Variants in RNF212B observed in about 807,000 individuals in gnomAD.
The protein encoded by RNF212B is ring finger protein 212B.
Under a neutral mutation model 55.5 loss-of-function variants are expected in RNF212B, and 52 were observed. That is an observed-to-expected ratio of 0.94 (90% CI 0.75 to 1.18). The LOEUF (loss-of-function observed/expected upper bound fraction) is 1.18, where lower values mean the gene tolerates loss of function less well. RNF212B is among the 50% of genes most tolerant of loss of function. The pLI, the probability that RNF212B is intolerant of heterozygous loss-of-function variation, is 0.00. For synonymous variants in RNF212B, 99 were observed against 121.4 expected, an observed-to-expected ratio of 0.82 and a Z score of 1.21; for missense variants, 289 against 350.4, an observed-to-expected ratio of 0.82 and a Z score of 1.40.
chr14:23,189,438 A>G (rs1877903688), intron 1 of RNF212B, among the ~76,000 whole-genome samples: 1 of 151,990 alleles, frequency 6.6e-6, no homozygotes, highest in Admixed American at 6.6e-5. Flanking sequence ...CTTCTCTCCT[A>G]CATCATCAGT....
intron 2 of RNF212B, among the ~76,000 whole-genome samples, chr14:23,221,396 A>G (rs1262684853): frequency 1.3e-5 from 2 of 152,250 alleles, no homozygotes; most frequent in African/African-American, 4.8e-5. Flanking sequence ...AAGAAGAGAC[A>G]AAGTCATTCT....
intron 12 of RNF212B, among the ~76,000 whole-genome samples, 192 bp downstream of exon 12, chr14:23,269,155 T>C (rs1481037654): frequency 6.6e-6 from 1 of 152,066 alleles, no homozygotes; most frequent in Non-Finnish European, 1.5e-5. Flanking sequence ...AAATAAAAAA[T>C]TAGCCGGGAG....
intron 2 of RNF212B, among the ~76,000 whole-genome samples, chr14:23,221,117 T>C (rs999289157): frequency 6.6e-6 from 1 of 151,794 alleles, no homozygotes; most frequent in Non-Finnish European, 1.5e-5. Flanking sequence ...CCAGGCGCAG[T>C]GGCTCACGCC....
rs554025557 is a variant in RNF212B at position 23,269,535 on chromosome 14, C to G, written c.675-328C>G. Among the ~76,000 whole-genome samples, 43 of 152,066 alleles carry G rather than the reference C, an allele frequency of 2.8e-4. 1 individual carries two copies. The South Asian group carries it at 7.3e-3, about 26-fold the overall frequency. ...TTGCTTAAGCCCAGGTGTTGGAGAC[C>G]AGGCTGAGCAACAAAGTGAGACCTA... On this transcript the variant is annotated intron_variant, in intron 12 of 14. Transcript: ENST00000430154.
chr14:23,225,410 G>C (rs963511150), intron 2 of RNF212B, among the ~76,000 whole-genome samples: 5 of 152,214 alleles, frequency 3.3e-5, no homozygotes, highest in African/African-American at 9.7e-5. Flanking sequence ...CAACTTAAGT[G>C]TCCATCAACA....
chr14:23,212,150 T>C (rs1880582960), intron 2 of RNF212B, among the ~76,000 whole-genome samples: 1 of 152,164 alleles, frequency 6.6e-6, no homozygotes, highest in Admixed American at 6.5e-5. Flanking sequence ...AAAGGGCACT[T>C]AGGAGAAAAT....
chr14:23,227,397 G>A (rs951510169), intron 2 of RNF212B, among the ~76,000 whole-genome samples: 1 of 151,994 alleles, frequency 6.6e-6, no homozygotes, highest in Non-Finnish European at 1.5e-5. Context: ...GTATGGAAGC[G>A]GGCACAGGGG....
intron 1 of RNF212B, among the ~76,000 whole-genome samples, chr14:23,240,058 G>C (rs550210942): frequency 1.8e-4 from 27 of 148,968 alleles, no homozygotes; most frequent in African/African-American, 6.2e-4. Flanking sequence ...TCTCACCACT[G>C]TCTGTCCATT....
At chr14:23,230,381 G>C (rs1291911306) in intron 2 of RNF212B, among the ~76,000 whole-genome samples, 2 of 151,956 alleles carry the variant, frequency 1.3e-5, no homozygotes, top group Admixed American at 6.6e-5. Context: ...CCGGCCGGGC[G>C]CGGTGGCTCA....
chr14:23,229,372 C>A lies in RNF212B; in HGVS notation c.-1-10973C>A, dbSNP rs148259087. 1.0e-3 allele frequency among the ~76,000 whole-genome samples: 157 copies of A among 150,506 alleles called. 3 individuals are homozygous for A. The East Asian group carries it at 0.026, about 25-fold the overall frequency. On this transcript the variant is annotated intron_variant, in intron 2 of 15. Transcript: ENST00000399910. ...TTGGTGTACACATATCTGTTTGAGC[C>A]CCTGTTTTAAATTATTTTGTATACA... is the stretch of plus-strand genomic sequence containing the variant.
intron 2 of RNF212B, among the ~76,000 whole-genome samples, chr14:23,204,264 A>G (rs935555069): frequency 1.3e-5 from 2 of 152,030 alleles, no homozygotes; most frequent in African/African-American, 4.8e-5. Flanking sequence ...TTTTTATTAT[A>G]TTTGCTTTTG....
intron 2 of RNF212B, among the ~76,000 whole-genome samples, chr14:23,222,925 G>T (rs539041258): frequency 6.6e-6 from 1 of 151,732 alleles, no homozygotes. Context: ...ATGGTGGCAC[G>T]CACCTGTAAT....
At chr14:23,242,081 CAA>C (rs58497672) in intron 2 of RNF212B, among the ~76,000 whole-genome samples, 5 of 36,648 alleles carry the variant, frequency 1.4e-4, no homozygotes, top group East Asian at 9.1e-4. Context: ...GACTCCGTCT[CAA>C]AAAAAAAAAA....
Position 23,260,652 on chromosome 14 carries a change from C to T in RNF212B, c.406-7C>T. 6.5e-7 allele frequency: 1 copy of T among 1,550,328 alleles called. No homozygotes were observed. Among genetic ancestry groups the T allele is most frequent in the Non-Finnish European group, 8.7e-7 (1 of 1,146,862 alleles). ...GCTTTCTTCACTCCTGGTTTTTTCA[C>T]CTATAGGAATCTCCAAGTCGGTACC... On this transcript the variant is annotated splice_polypyrimidine_tract_variant and splice_region_variant and intron_variant, in intron 6 of 14. Coordinates refer to ENST00000430154, the MANE Select transcript of RNF212B (RefSeq NM_001282322.3).
intron 2 of RNF212B, among the ~76,000 whole-genome samples, chr14:23,221,672 A>G (rs1244600670): frequency 1.3e-5 from 2 of 152,228 alleles, no homozygotes; most frequent in African/African-American, 4.8e-5. Context: ...TTCATCCAAC[A>G]GCTGTAGAAT....
At chr14:23,254,317 C>T (rs1227288608) in intron 4 of RNF212B, among the ~76,000 whole-genome samples, 1 of 141,016 alleles carries the variant, frequency 7.1e-6, no homozygotes, top group African/African-American at 2.6e-5. Flanking sequence ...CAAAACAAAA[C>T]AAAAAAACAA....
At chr14:23,208,446 A>G (rs1880076891) in intron 2 of RNF212B, among the ~76,000 whole-genome samples, 1 of 152,196 alleles carries the variant, frequency 6.6e-6, no homozygotes, top group Non-Finnish European at 1.5e-5. Context: ...GCAATGAGCT[A>G]TGATCACACT....
chr14:23,191,075 T>A (rs933255707), intron 1 of RNF212B, among the ~76,000 whole-genome samples: 2 of 152,192 alleles, frequency 1.3e-5, no homozygotes, highest in African/African-American at 4.8e-5. Flanking sequence ...CATCGCAGGC[T>A]GCGCGCAGTG....
chr14:23,221,190 G>A (rs192565384), intron 2 of RNF212B, among the ~76,000 whole-genome samples: 2 of 149,506 alleles, frequency 1.3e-5, no homozygotes, highest in African/African-American at 4.9e-5. Flanking sequence ...AGTTTGAGAC[G>A]AGCCTGGCCA....
Sources: gnomAD v4.1 joint callset for allele counts (sites outside exome capture counted in the v4.1 genomes callset) on GRCh38, gnomAD v4.1.1 for gene constraint, MANE v1.5 for transcripts, NCBI Gene and HGNC (gene_info 2026-07-23, HGNC 2026-07-21) for gene names.